TNS3: variants seen among roughly 807,000 people sequenced by gnomAD.
The protein encoded by TNS3 is tensin 3, also known as tensin-3.
Under a neutral mutation model 140.9 loss-of-function variants are expected in TNS3, and 45 were observed. That is an observed-to-expected ratio of 0.32 (90% CI 0.25 to 0.41). The LOEUF (loss-of-function observed/expected upper bound fraction) is 0.41, where lower values mean the gene tolerates loss of function less well. TNS3 is among the 10% of genes least tolerant of loss of function. TNS3 has a pLI of 1.00. For missense variants in TNS3, 1,716 were observed against 1,906.7 expected, an observed-to-expected ratio of 0.90 and a Z score of 1.86; for synonymous variants, 815 against 788.4, an observed-to-expected ratio of 1.03 and a Z score of -0.56.
chr7:47,301,220 T>C (rs1786381399), intron 23 of TNS3, among the ~76,000 whole-genome samples: 1 of 152,116 alleles, frequency 6.6e-6, no homozygotes. Flanking sequence ...CATTCCCTCT[T>C]TCACTCCAGC....
chr7:47,444,923 G>GT (rs1795652672), intron 4 of TNS3, among the ~76,000 whole-genome samples: 1 of 152,186 alleles, frequency 6.6e-6, no homozygotes, highest in Non-Finnish European at 1.5e-5. Flanking sequence ...GTCAGAAAGT[G>GT]TTGAATTGCA....
At chr7:47,344,538 T>A (rs548733214) in intron 20 of TNS3, among the ~76,000 whole-genome samples, 49 of 152,334 alleles carry the variant, frequency 3.2e-4, no homozygotes, top group Middle Eastern at 3.4e-3. Context: ...CCCCACAGGA[T>A]GCCAGGCAGC....
intron 4 of TNS3, among the ~76,000 whole-genome samples, chr7:47,446,641 A>G (rs1488920222): frequency 6.9e-6 from 1 of 144,742 alleles, no homozygotes; most frequent in Non-Finnish European, 1.5e-5. Flanking sequence ...GGTTAAGGTT[A>G]AACCTGCAAA....
chr7:47,331,406 ATT>A (rs1788335768), intron 20 of TNS3, among the ~76,000 whole-genome samples: 2 of 152,166 alleles, frequency 1.3e-5, no homozygotes, highest in Non-Finnish European at 2.9e-5. Flanking sequence ...TCACTTGGGC[ATT>A]GCGGAGAAGG....
At chr7:47,568,906 G>T (rs932324663) in intron 1 of TNS3, among the ~76,000 whole-genome samples, 2 of 152,238 alleles carry the variant, frequency 1.3e-5, no homozygotes, top group African/African-American at 4.8e-5. Flanking sequence ...GCGATAACTT[G>T]TACCGGGACA....
intron 4 of TNS3, among the ~76,000 whole-genome samples, chr7:47,480,353 T>A (rs953379412): frequency 6.6e-6 from 1 of 152,150 alleles, no homozygotes; most frequent in Non-Finnish European, 1.5e-5. Flanking sequence ...CTGCACACAC[T>A]TCCCCAGCAG....
At chr7:47,560,114 G>A (rs1019440164) in intron 1 of TNS3, among the ~76,000 whole-genome samples, 2 of 151,726 alleles carry the variant, frequency 1.3e-5, no homozygotes, top group Non-Finnish European at 2.9e-5. Flanking sequence ...TCTGTGACCC[G>A]CCCCCCTACC....
In TNS3 at chr7:47,303,147, C is replaced by T; in HGVS notation, c.3260G>A (p.Gly1087Asp). 6.2e-7 allele frequency: 1 copy of T among 1,613,910 alleles called. No individual in the cohort carries two copies. The highest frequency in any genetic ancestry group is 8.5e-7 in the Non-Finnish European group (1 of 1,179,946). ...CTGCCCGGGCAGGGTCACACCCTGG[C>T]CCTGCAGGCCTGGACTGTGGTGGCT... ...HSSHHSPGLQ[G>D]QGVTLPGQPP... The change falls in exon 22 of 31, where the codon GGC becomes GAC. Residue 1087 changes from glycine to aspartate, a missense_variant. Around this residue, in one of 3 missense-constraint regions of TNS3, gnomAD observed 1,163 missense variants for 1,182.1 expected, o/e 0.98. Transcript: ENST00000311160.
chr7:47,298,453 G>A (rs1042388103), intron 23 of TNS3, among the ~76,000 whole-genome samples: 5 of 152,228 alleles, frequency 3.3e-5, no homozygotes, highest in East Asian at 1.9e-4. Flanking sequence ...ACCTCAACTC[G>A]ATACTGCCCA....
rs867898031 is a variant in TNS3, at chr7:47,278,068, G to C, written c.*8C>G. 2 of 1,613,956 alleles carry C rather than the reference G, an allele frequency of 1.2e-6. No individual in the cohort carries two copies. Among genetic ancestry groups the C allele is most frequent in the Non-Finnish European group, 1.7e-6 (2 of 1,179,906 alleles). ...GGCATCGGTGGGTCCAGGGAGGGAG[G>C]GGAGTTCTCAGACCTTCTTTGGGGA... On this transcript the variant is annotated 3_prime_UTR_variant, in exon 31 of 31. Transcript: ENST00000311160.
At position 47,483,171 on chromosome 7, in the gene TNS3, A is replaced by G. The variant is rs6946251; in HGVS notation, c.-114-2030T>C. On this transcript the variant is annotated intron_variant, in intron 3 of 30. Coordinates refer to ENST00000311160, the MANE Select transcript of TNS3 (RefSeq NM_022748.12). ...ATGAAGAGGAAGAAGAGTGTGTCCAATTTTTTTTTTTTTTTTGAGACGGAG... is the reference window on the plus strand; with the variant it reads ...ATGAAGAGGAAGAAGAGTGTGTCCAGTTTTTTTTTTTTTTTTGAGACGGAG... Among the ~76,000 whole-genome samples, 1,111 of 139,516 alleles carry G rather than the reference A, an allele frequency of 8.0e-3. 18 individuals are homozygous for G. The highest frequency in any genetic ancestry group is 0.027 in the African/African-American group (1,058 of 38,940). The allele number at this position is 139,516 out of a possible 152,430, so 91.5% of individuals were successfully genotyped here.
intron 1 of TNS3, among the ~76,000 whole-genome samples, chr7:47,565,035 A>T (rs1800399130): frequency 1.3e-5 from 2 of 152,032 alleles, no homozygotes; most frequent in Admixed American, 1.3e-4. Flanking sequence ...CCAGTAGAGC[A>T]GGCTATAAAG....
chr7:47,310,899 T>G (rs1409361759), intron 20 of TNS3, among the ~76,000 whole-genome samples: 2 of 152,244 alleles, frequency 1.3e-5, no homozygotes, highest in Admixed American at 6.5e-5. Flanking sequence ...GGACATGAAC[T>G]CATTCTTTTT....
chr7:47,537,156 G>A (rs1799630090), intron 1 of TNS3, among the ~76,000 whole-genome samples: 2 of 152,030 alleles, frequency 1.3e-5, no homozygotes, highest in South Asian at 4.1e-4. Flanking sequence ...GGCGAGGGTG[G>A]CCGCTGACCC....
intron 20 of TNS3, among the ~76,000 whole-genome samples, chr7:47,318,815 C>T (rs1015208251): frequency 1.3e-5 from 2 of 152,184 alleles, no homozygotes; most frequent in South Asian, 2.1e-4. Context: ...AAGATGATAC[C>T]GGCGAGGGTC....
chr7:47,475,672 G>A (rs377256383), intron 4 of TNS3, among the ~76,000 whole-genome samples: 14 of 152,336 alleles, frequency 9.2e-5, no homozygotes, highest in East Asian at 3.9e-4. Flanking sequence ...AAGATTTGCT[G>A]GTATGAATCA....
intron 1 of TNS3, chr7:47,579,723 C>A (rs1784484835): frequency 2.3e-6 from 1 of 442,348 alleles, no homozygotes; most frequent in Non-Finnish European, 3.0e-6. Context: ...CCTAACTGTT[C>A]CCAGACTTTA....
intron 3 of TNS3, among the ~76,000 whole-genome samples, chr7:47,487,722 T>A (rs1205972720): frequency 1.3e-5 from 2 of 151,392 alleles, no homozygotes; most frequent in African/African-American, 4.8e-5. Flanking sequence ...TACAGAGACA[T>A]CACCTTATGC....
intron 1 of TNS3, among the ~76,000 whole-genome samples, chr7:47,553,887 C>A (rs1800124868): frequency 6.6e-6 from 1 of 151,952 alleles, no homozygotes; most frequent in South Asian, 2.1e-4. Context: ...CTCACTGCAA[C>A]CTCCACCTCG....
Sources: gnomAD v4.1 joint callset for allele counts (sites outside exome capture counted in the v4.1 genomes callset) on GRCh38, gnomAD v4.1.1 for gene constraint, gnomAD v4.1.1 regional missense constraint, MANE v1.5 for transcripts, NCBI Gene and HGNC (gene_info 2026-07-23, HGNC 2026-07-21) for gene names.